MACROD2: variants seen among roughly 807,000 people sequenced by gnomAD.
MACROD2 encodes ADP-ribose glycohydrolase MACROD2.
A neutral mutation model predicts 70.4 loss-of-function variants in MACROD2; 36 were observed. The observed-to-expected ratio is 0.51, with a 90% CI of 0.39 to 0.68. The LOEUF is 0.68. MACROD2 is among the 30% of genes least tolerant of loss of function. The pLI, the probability that MACROD2 is intolerant of heterozygous loss-of-function variation, is 0.00. For missense variants in MACROD2, 496 were observed against 538.4 expected (o/e 0.92, Z 0.78); for synonymous variants, 172 against 178.8 (o/e 0.96, Z 0.30).
intron 3 of MACROD2, among the ~76,000 whole-genome samples, chr20:14,312,949 T>TTATATAAA (rs2082579999): frequency 1.3e-5 from 2 of 152,228 alleles, no homozygotes; most frequent in Admixed American, 1.3e-4. Flanking sequence ...CTTCAGTATT[T>TTATATAAA]TATATAAATA....
At chr20:14,978,862 TA>T (rs1403142070) in intron 5 of MACROD2, among the ~76,000 whole-genome samples, 210 of 131,708 alleles carry the variant, frequency 1.6e-3, no homozygotes, top group African/African-American at 5.8e-3. Context: ...TATATATATA[TA>T]ATATATTATA....
intron 5 of MACROD2, among the ~76,000 whole-genome samples, chr20:15,121,377 G>A (rs1222347568): frequency 2.0e-5 from 3 of 152,012 alleles, no homozygotes; most frequent in African/African-American, 4.8e-5. Context: ...GCTGGGCATG[G>A]TGATGGATAC....
chr20:15,960,157 C>T (rs1047859895), intron 12 of MACROD2, among the ~76,000 whole-genome samples: 7 of 152,178 alleles, frequency 4.6e-5, no homozygotes, highest in African/African-American at 1.7e-4. Flanking sequence ...TATTAATTCT[C>T]TCCTGGTATG....
At chr20:14,421,981 G>C (rs921973461) in intron 3 of MACROD2, among the ~76,000 whole-genome samples, 1 of 152,062 alleles carries the variant, frequency 6.6e-6, no homozygotes, top group East Asian at 1.9e-4. Context: ...TGTTATTGAA[G>C]GCAAGGTATT....
chr20:15,142,192 C>G (rs1342314593), intron 5 of MACROD2, among the ~76,000 whole-genome samples: 1 of 152,100 alleles, frequency 6.6e-6, no homozygotes, highest in Non-Finnish European at 1.5e-5. Flanking sequence ...AACGCAATAC[C>G]TGGTAACTAC....
chr20:14,598,572 T>C (rs763595984), intron 4 of MACROD2, among the ~76,000 whole-genome samples: 3 of 152,232 alleles, frequency 2.0e-5, no homozygotes, highest in Non-Finnish European at 4.4e-5. Context: ...TTCATATTGA[T>C]TTAGCCAACA....
intron 6 of MACROD2, among the ~76,000 whole-genome samples, chr20:15,326,462 G>A (rs564171865): frequency 9.9e-5 from 15 of 152,084 alleles, no homozygotes; most frequent in Middle Eastern, 3.4e-3. Flanking sequence ...AAAATATGAA[G>A]ACCTTATGTT....
chr20:14,238,011 G>A (rs1446357163), intron 3 of MACROD2, among the ~76,000 whole-genome samples: 1 of 152,024 alleles, frequency 6.6e-6, no homozygotes, highest in Non-Finnish European at 1.5e-5. Context: ...ACATACGTGT[G>A]CATGTGTCTT....
In MACROD2 at chr20:14,828,823, A is replaced by G. The variant is rs539384281; in HGVS notation, c.418+143864A>G. On this transcript the variant is annotated intron_variant, in intron 5 of 17. Transcript: ENST00000684519. ...AGGAATGCTATGTATGTTTTGGCAC[A>G]TCTTAAGTCAGATAATTTTATTCTG... 3.9e-5 allele frequency among the ~76,000 whole-genome samples: 6 copies of G among 152,204 alleles called. No homozygotes were observed. In the South Asian group the frequency reaches 6.2e-4, roughly 16 times the overall value.
chr20:15,617,686 G>A (rs971665356), intron 8 of MACROD2, among the ~76,000 whole-genome samples: 25 of 152,252 alleles, frequency 1.6e-4, no homozygotes, highest in African/African-American at 5.1e-4. Context: ...TATCAACTAC[G>A]TGCCAGGCAC....
chr20:14,619,590 A>C (rs1448744857), intron 4 of MACROD2, among the ~76,000 whole-genome samples: 1 of 151,714 alleles, frequency 6.6e-6, no homozygotes, highest in Non-Finnish European at 1.5e-5. Flanking sequence ...GAAAAAAAGG[A>C]GTATAGAGAT....
chr20:15,467,166 A>C (rs2046903049), intron 7 of MACROD2, among the ~76,000 whole-genome samples: 1 of 152,222 alleles, frequency 6.6e-6, no homozygotes, highest in Non-Finnish European at 1.5e-5. Flanking sequence ...ATTGACATCC[A>C]CTACATCCCA....
At chr20:14,021,490 C>G (rs1258624947) in intron 2 of MACROD2, among the ~76,000 whole-genome samples, 4 of 152,134 alleles carry the variant, frequency 2.6e-5, no homozygotes, top group Admixed American at 2.6e-4. Context: ...AGGTATCCCC[C>G]AGAAGGGTTA....
intron 3 of MACROD2, among the ~76,000 whole-genome samples, chr20:14,171,246 TCTCA>T (rs2081218091): frequency 6.6e-6 from 1 of 152,216 alleles, no homozygotes; most frequent in Non-Finnish European, 1.5e-5. Flanking sequence ...TCTTGGTTAG[TCTCA>T]CTAACGTTAT....
chr20:15,777,571 TTCCTTCTTTCC>T (rs2051749993), intron 8 of MACROD2, among the ~76,000 whole-genome samples: 1 of 88,622 alleles, frequency 1.1e-5, no homozygotes, highest in Non-Finnish European at 2.4e-5. Context: ...CCTTCCTTCC[TTCCTTCTTTCC>T]TTCCTTCCTT....
chr20:14,964,270 A>G (rs2074610707), intron 5 of MACROD2, among the ~76,000 whole-genome samples: 1 of 152,144 alleles, frequency 6.6e-6, no homozygotes, highest in African/African-American at 2.4e-5. Flanking sequence ...TAACTAAAAT[A>G]TATAAATGAG....
At chr20:14,846,141 T>C (rs2073137812) in intron 5 of MACROD2, among the ~76,000 whole-genome samples, 1 of 152,182 alleles carries the variant, frequency 6.6e-6, no homozygotes, top group African/African-American at 2.4e-5. Context: ...GTCAAGAATA[T>C]AACATGATAT....
intron 2 of MACROD2, among the ~76,000 whole-genome samples, chr20:14,036,107 A>G (rs2053305939): frequency 6.6e-6 from 1 of 151,478 alleles, no homozygotes; most frequent in Non-Finnish European, 1.5e-5. Flanking sequence ...GCGCCACTGC[A>G]CTCCAGCCTG....
At chr20:14,043,677 C>A (rs146564579) in intron 2 of MACROD2, among the ~76,000 whole-genome samples, 3 of 152,202 alleles carry the variant, frequency 2.0e-5, no homozygotes, top group Admixed American at 2.0e-4. Flanking sequence ...GGGAGAACCT[C>A]TTCTGAAATG....
Sources: gnomAD v4.1 joint callset for allele counts (sites outside exome capture counted in the v4.1 genomes callset) on GRCh38, gnomAD v4.1.1 for gene constraint, MANE v1.5 for transcripts, NCBI Gene and HGNC (gene_info 2026-07-23, HGNC 2026-07-21) for gene names.